PHC3: variants seen among roughly 807,000 people sequenced by gnomAD.
PHC3 encodes polyhomeotic homolog 3, also known as polyhomeotic-like protein 3.
A neutral mutation model predicts 107.4 loss-of-function variants in PHC3; 13 were observed. The observed-to-expected ratio is 0.12, with a 90% CI of 0.08 to 0.19. PHC3 has a LOEUF of 0.19. Ranked by LOEUF, PHC3 falls within the 10% of genes least tolerant of loss-of-function variation. The pLI is 1.00. For missense variants in PHC3, 992 were observed against 1,210.9 expected, an observed-to-expected ratio of 0.82 and a Z score of 2.68; for synonymous variants, 456 against 427.4, an observed-to-expected ratio of 1.07 and a Z score of -0.83.
At position 170,129,035 on chromosome 3, in the gene PHC3, G is replaced by A; in HGVS notation, c.1437C>T (p.Gly479=). Residue 479 remains glycine (G), a synonymous_variant, in exon 8 of 15, where the codon GGC becomes GGT. Transcript: ENST00000495893. ...PLPASPVVHI[G]PVQQSALVSP... Reference sequence around the variant, plus strand: ...ATACCAAGGCAGACTGCTGAACTGGGCCAATGTGTACAACAGGGGAAGCTG... The same window carrying A: ...ATACCAAGGCAGACTGCTGAACTGGACCAATGTGTACAACAGGGGAAGCTG... 1 of 1,612,758 alleles carries A rather than the reference G, an allele frequency of 6.2e-7. No individual in the cohort carries two copies. Among genetic ancestry groups the A allele is most frequent in the Non-Finnish European group, 8.5e-7 (1 of 1,179,310 alleles).
chr3:170,162,201 T>G (rs574175746), intron 4 of PHC3, among the ~76,000 whole-genome samples: 1 of 152,170 alleles, frequency 6.6e-6, no homozygotes, highest in East Asian at 1.9e-4. Flanking sequence ...CCATGAACAG[T>G]AGTGAAGTCA....
At chr3:170,135,171 G>A (rs750599082) in intron 7 of PHC3, among the ~76,000 whole-genome samples, 16 of 152,094 alleles carry the variant, frequency 1.1e-4, no homozygotes, top group Non-Finnish European at 1.9e-4. Context: ...TTGTTTTTGA[G>A]ACAGAGTCTT....
At chr3:170,145,568 G>A in intron 5 of PHC3, 47 bp from the exon 6 acceptor site, 2 of 1,367,666 alleles carry the variant, frequency 1.5e-6, no homozygotes, top group South Asian at 1.2e-5. Flanking sequence ...AAAAGAACAT[G>A]TCCCACACAC....
In PHC3 at chr3:170,128,875, T is replaced by G; in HGVS notation, c.1597A>C (p.Met533Leu). Residue 533 changes from methionine (M) to leucine (L), a missense_variant, in exon 8 of 15, where the codon ATG (methionine) becomes CTG (leucine). Coordinates refer to ENST00000495893, the MANE Select transcript of PHC3 (RefSeq NM_024947.4). Reference protein sequence around the residue: ...AQIPPLPLQSMQSLQVQPEIL... With the variant: ...AQIPPLPLQSLQSLQVQPEIL... ...TCAGGCTGCACTTGTAAAGACTGCA[T>G]AGACTGCAAGGGCAGTGGTGGAATC... 2.5e-6 allele frequency: 4 copies of G among 1,614,010 alleles called. No homozygotes were observed. The highest frequency in any genetic ancestry group is 3.4e-6 in the Non-Finnish European group (4 of 1,179,866).
At position 170,172,689 on chromosome 3, in the gene PHC3, C is replaced by A; in HGVS notation, c.204G>T (p.Arg68=). The part of the protein sequence containing the change: ...AVQVIQQALH[R]PPSSAAQYLQ... ...GGTACTGAGCAGCTGAGCTGGGGGG[C>A]CGATGCAATGCCTGTTGAATTACCT... The change falls in exon 3 of 15, where the codon CGG becomes CGT. Residue 68 remains arginine, a synonymous_variant. Coordinates refer to ENST00000495893, the MANE Select transcript of PHC3 (RefSeq NM_024947.4). 6.2e-7 allele frequency: 1 copy of A among 1,608,612 alleles called. No homozygotes were observed. The highest frequency in any genetic ancestry group is 8.5e-7 in the Non-Finnish European group (1 of 1,176,120).
rs1713727716 is a variant in PHC3, at chr3:170,088,528, A to C, written c.*8702T>G. 6.6e-6 allele frequency: 1 copy of C among 152,206 alleles called. No homozygotes were observed. Among genetic ancestry groups the C allele is most frequent in the African/African-American group, 2.4e-5 (1 of 41,458 alleles). 9.4% of individuals were successfully genotyped at this position (152,206 alleles called of 1,614,324 possible). On this transcript the variant is annotated 3_prime_UTR_variant, in exon 15 of 15. Transcript: ENST00000495893. ...GACTTTTTTCCCTATAGGAAAAACA[A>C]AGACCAAGCTTTTGAAGGAGAGGAC...
rs1553779856 is a variant in PHC3, at chr3:170,111,317, G to GGAAGGAACGAAC, written c.2353+2042_2353+2043insGTTCGTTCCTTC. 7.4e-5 allele frequency among the ~76,000 whole-genome samples: 8 copies of GGAAGGAACGAAC among 107,512 alleles called. 1 individual carries two copies. Among genetic ancestry groups the GGAAGGAACGAAC allele is most frequent in the African/African-American group, 2.4e-4 (7 of 28,772 alleles). The allele number at this position is 107,512 out of a possible 152,430, so 70.5% of individuals were successfully genotyped here. The stretch of plus-strand genomic sequence containing the variant: ...AGGAAGGAAGGAAGGAAGGAAGGAA[G>GGAAGGAACGAAC]GAACGAACGAACGAAAGAACAAAAG... On this transcript the variant is annotated intron_variant, in intron 11 of 14. Coordinates refer to ENST00000495893, the MANE Select transcript of PHC3 (RefSeq NM_024947.4).
intron 10 of PHC3, among the ~76,000 whole-genome samples, chr3:170,115,710 G>C (rs541117043): frequency 6.6e-6 from 1 of 152,072 alleles, no homozygotes; most frequent in Non-Finnish European, 1.5e-5. Flanking sequence ...TAGTTCTCTC[G>C]ACAACTCTAA....
intron 4 of PHC3, among the ~76,000 whole-genome samples, chr3:170,151,459 G>A (rs1725956591): frequency 6.6e-6 from 1 of 152,096 alleles, no homozygotes; most frequent in African/African-American, 2.4e-5. Flanking sequence ...CCAAAAGGGA[G>A]AGAAAAGCTG....
At chr3:170,122,186 C>A (rs1353049279) in intron 9 of PHC3, among the ~76,000 whole-genome samples, 1 of 152,144 alleles carries the variant, frequency 6.6e-6, no homozygotes. Context: ...GAGATAGGGG[C>A]TACAATGAGC....
rs142405489 is a variant in PHC3, at chr3:170,154,882, C to T, written c.415-5638G>A. On this transcript the variant is annotated intron_variant, in intron 4 of 14. Transcript: ENST00000495893. ...CCTTTCCACAACTGATAAGGCTCTCCTTTTTCCTGTGTTGCTCTGCTGACC... is the reference window on the plus strand; with the variant it reads ...CCTTTCCACAACTGATAAGGCTCTCTTTTTTCCTGTGTTGCTCTGCTGACC... 6.8e-4 allele frequency among the ~76,000 whole-genome samples: 103 copies of T among 152,296 alleles called. 1 individual carries two copies. The highest frequency in any genetic ancestry group is 2.4e-3 in the African/African-American group (100 of 41,562).
chr3:170,126,389 T>C (rs1042723006), intron 8 of PHC3, among the ~76,000 whole-genome samples: 4 of 151,472 alleles, frequency 2.6e-5, no homozygotes, highest in African/African-American at 4.8e-5. Context: ...ATATCAGTGA[T>C]AGCAGAGAAA....
chr3:170,152,362 AT>A (rs1230110435), intron 4 of PHC3, among the ~76,000 whole-genome samples: 4 of 62,902 alleles, frequency 6.4e-5, no homozygotes, highest in Non-Finnish European at 3.4e-5. Context: ...TTTTTTTTGT[AT>A]TTTTAGTAGA....
intron 2 of PHC3, 144 bp downstream of exon 2, chr3:170,178,629 A>C: frequency 1.1e-6 from 1 of 913,040 alleles, no homozygotes; most frequent in Non-Finnish European, 1.7e-6. Flanking sequence ...CTATAGCCAC[A>C]CAAAATGGAT....
intron 4 of PHC3, among the ~76,000 whole-genome samples, chr3:170,165,474 T>C (rs1403375630): frequency 6.6e-6 from 1 of 152,042 alleles, no homozygotes; most frequent in Non-Finnish European, 1.5e-5. Context: ...TGATGAAGGC[T>C]GGGCACAGTG....
At chr3:170,181,630 C>T (rs1484726946) in intron 1 of PHC3, 72 bp downstream of exon 1, 5 of 1,608,598 alleles carry the variant, frequency 3.1e-6, no homozygotes, top group South Asian at 1.1e-5. Context: ...CTGAGCTTTC[C>T]CCTGGGGGAA....
intron 10 of PHC3, among the ~76,000 whole-genome samples, chr3:170,113,889 A>C (rs1718358425): frequency 6.6e-6 from 1 of 152,222 alleles, no homozygotes; most frequent in East Asian, 1.9e-4. Context: ...CAACACTGAA[A>C]AACAAAGGCA....
At chr3:170,179,311 C>A (rs1443882581) in intron 1 of PHC3, among the ~76,000 whole-genome samples, 4 of 152,154 alleles carry the variant, frequency 2.6e-5, no homozygotes. Flanking sequence ...TAAAACATTT[C>A]TTTACATTCT....
intron 4 of PHC3, among the ~76,000 whole-genome samples, chr3:170,160,814 GGAGAATCGCTTC>G (rs1316140011): frequency 6.6e-6 from 1 of 152,158 alleles, no homozygotes; most frequent in Non-Finnish European, 1.5e-5. Flanking sequence ...GGCTGAGGGA[GGAGAATCGCTTC>G]AACCTGGGAA....
Sources: gnomAD v4.1 joint callset for allele counts (sites outside exome capture counted in the v4.1 genomes callset) on GRCh38, gnomAD v4.1.1 for gene constraint, MANE v1.5 for transcripts, NCBI Gene and HGNC (gene_info 2026-07-23, HGNC 2026-07-21) for gene names.